Variants in PHRF1 observed in about 807,000 individuals in gnomAD.
The protein encoded by PHRF1 is PHD and RING finger domain-containing protein 1.
PHRF1 carries 53 observed loss-of-function variants against 128.9 expected under a neutral mutation model. The ratio of observed to expected loss-of-function variants is 0.41; its 90% CI spans 0.33 to 0.52. PHRF1 has a LOEUF of 0.52. Ranked by LOEUF, PHRF1 falls within the 20% of genes least tolerant of loss-of-function variation. PHRF1 has a pLI of 0.21. For missense variants in PHRF1, 2,503 were observed against 2,284.5 expected, an observed-to-expected ratio of 1.10 and a Z score of -1.95; for synonymous variants, 1,178 against 980.6, an observed-to-expected ratio of 1.20 and a Z score of -3.76.
Position 611,868 on chromosome 11 carries a change from C to T in PHRF1, c.*91C>T, listed in dbSNP as rs702965. 0.11 allele frequency: 126,719 copies of T among 1,123,220 alleles called. 15,484 individuals are homozygous for T. The highest frequency in any genetic ancestry group is 0.32 in the African/African-American group (19,065 of 58,902). The allele number at this position is 1,123,220 out of a possible 1,614,324, so 69.6% of individuals were successfully genotyped here. On this transcript the variant is annotated 3_prime_UTR_variant, in exon 18 of 18. Transcript: ENST00000264555. ...GGGAGCTGTCGGGAGTGGCGGGAAT[C>T]GGGGCCATGCCCGGGGAGCTGTCGG...
chr11:601,823 A>G, intron 10 of PHRF1, 122 bp downstream of exon 10: 2 of 1,253,604 alleles, frequency 1.6e-6, no homozygotes, highest in Non-Finnish European at 2.2e-6. Flanking sequence ...AGCAGGGATC[A>G]TCATCGTCTT....
chr11:609,377 T>C lies in PHRF1; in HGVS notation c.3921T>C (p.Pro1307=), dbSNP rs763890729. 1.1e-5 allele frequency: 18 copies of C among 1,611,732 alleles called. No individual in the cohort carries two copies. The Admixed American group carries it at 1.3e-4, about 12-fold the overall frequency. ...SSPERDFPLK[P]ALPPASLAVA... is the part of the protein sequence containing the mutation. ...CGGAGCGAGACTTCCCACTGAAGCC[T>C]GCGTTGCCCCCAGCCAGCCTGGCCG... The change falls in exon 14 of 18, where the codon CCT becomes CCC. Residue 1307 remains proline (P), a synonymous_variant. Transcript: ENST00000264555.
In PHRF1 at chr11:610,262, C is replaced by G. The variant is rs1423179683; in HGVS notation, c.4331C>G (p.Thr1444Arg). The G allele has an allele frequency of 6.4e-7, 1 of 1,556,310 alleles. No individual in the cohort carries two copies. Among genetic ancestry groups the G allele is most frequent in the Non-Finnish European group, 8.7e-7 (1 of 1,150,086 alleles). Residue 1444 changes from threonine (T) to arginine (R), a missense_variant, in exon 15 of 18, where the codon ACA (threonine) becomes AGA (arginine). Transcript: ENST00000264555. ...TGGGACATGGAGGATGTGGCCCCCA[C>G]AGGGGTCAGGCAGGTGTTCTCCGAG... ...GAWDMEDVAP[T>R]GVRQVFSELP...
rs1207486009 is a variant in PHRF1, at chr11:597,545, G to A, written c.869G>A (p.Arg290Gln). The A allele has an allele frequency of 6.2e-7, 1 of 1,611,462 alleles. No individual in the cohort carries two copies. Among genetic ancestry groups the A allele is most frequent in the East Asian group, 2.2e-5 (1 of 44,810 alleles). The change falls in exon 8 of 18, where the codon CGG becomes CAG. Residue 290 changes from arginine (R) to glutamine (Q), a missense_variant. Physicochemically the swap from Arg to Gln is conservative, Grantham distance 43 (BLOSUM62 1). Coordinates refer to ENST00000264555, the MANE Select transcript of PHRF1 (RefSeq NM_001286581.2). The surrounding 1 kb of genome is among the most constrained non-coding windows in gnomAD (Gnocchi z 6.5). ...GTGAGAGCAACCGTGAACCGGAACCGGATCTCCACGGCCAGGAGGGTCCAG... is the reference window on the plus strand; with the variant it reads ...GTGAGAGCAACCGTGAACCGGAACCAGATCTCCACGGCCAGGAGGGTCCAG... ...ERVRATVNRN[R>Q]ISTARRVQHT...
chr11:606,705 G>T, intron 13 of PHRF1, 109 bp downstream of exon 13: 1 of 1,409,946 alleles, frequency 7.1e-7, no homozygotes, highest in African/African-American at 1.5e-5. Flanking sequence ...CTGAAGTTGG[G>T]GGGACCATTC....
intron 1 of PHRF1, among the ~76,000 whole-genome samples, chr11:577,457 A>G (rs1344084109): frequency 6.6e-6 from 1 of 152,254 alleles, no homozygotes; most frequent in Non-Finnish European, 1.5e-5. Context: ...GGTTTGGCAT[A>G]GTTGATCTCT....
chr11:599,253 C>CTTTTTTTTT (rs754658303), intron 9 of PHRF1, among the ~76,000 whole-genome samples: 2 of 104,980 alleles, frequency 1.9e-5, no homozygotes, highest in Non-Finnish European at 3.7e-5. Context: ...TTTTTCTTTT[C>CTTTTTTTTT]TTTTTTTTTT....
intron 5 of PHRF1, 108 bp downstream of exon 5, chr11:591,575 TA>T (rs1354787670): frequency 8.7e-6 from 8 of 922,532 alleles, no homozygotes; most frequent in Non-Finnish European, 1.3e-5. Flanking sequence ...GAGGGTTGGT[TA>T]AATGCTTCAT....
In PHRF1 at chr11:591,433, T is replaced by G. The variant is rs1210504234; in HGVS notation, c.470T>G (p.Ile157Ser). ...CGAACTCTATTTAAGTGCATTTGTA[T>G]TCGAGCTCAATTTGGTGGTAAAATC... is the stretch of plus-strand genomic sequence containing the variant. ...VDRTLFKCICIRAQFGGKILR... is the reference protein window; with the variant it reads ...VDRTLFKCICSRAQFGGKILR... Residue 157 changes from isoleucine to serine, a missense_variant, in exon 5 of 18, where the codon ATT (isoleucine) becomes AGT (serine). By Grantham distance (142) the Ile-to-Ser change is moderately radical (BLOSUM62 -2). Transcript: ENST00000264555. The G allele has an allele frequency of 6.2e-7, 1 of 1,609,814 alleles. No individual in the cohort carries two copies. Among genetic ancestry groups the G allele is most frequent in the Admixed American group, 1.7e-5 (1 of 59,382 alleles).
rs1466123135 is a variant in PHRF1 at position 607,647 on chromosome 11, A to G, written c.2191A>G (p.Ser731Gly). 2 of 1,611,152 alleles carry G rather than the reference A, an allele frequency of 1.2e-6. No homozygotes were observed. The highest frequency in any genetic ancestry group is 1.7e-5 in the Admixed American group (1 of 59,930). ...GQPGRGTRAE[S>G]EASSRVPREP... ...GCCAGGGCGAGGCACACGGGCAGAG[A>G]GCGAGGCCAGCAGCAGGGTGCCCCG... is the stretch of plus-strand genomic sequence containing the variant. The change falls in exon 14 of 18, where the codon AGC (serine) becomes GGC (glycine). Residue 731 changes from serine (S) to glycine (G), a missense_variant. Physicochemically the swap from Ser to Gly is moderately conservative, Grantham distance 56. Transcript: ENST00000264555.
chr11:609,832 G>A, intron 14 of PHRF1, 112 bp downstream of exon 14: 1 of 732,582 alleles, frequency 1.4e-6, no homozygotes, highest in Non-Finnish European at 2.1e-6. Context: ...ACCGAGGACA[G>A]AGCCCCCCGT....
At chr11:601,822 C>A in intron 10 of PHRF1, 121 bp downstream of exon 10, 2 of 1,252,106 alleles carry the variant, frequency 1.6e-6, no homozygotes, top group Non-Finnish European at 2.2e-6. Context: ...GAGCAGGGAT[C>A]ATCATCGTCT....
chr11:591,242 C>T (rs1388956517), intron 4 of PHRF1, 142 bp from the exon 5 acceptor site: 1 of 742,212 alleles, frequency 1.3e-6, no homozygotes, highest in East Asian at 2.9e-5. Context: ...GTGCTCCCTC[C>T]ACTGCCGTGT....
chr11:587,152 T>C, intron 3 of PHRF1, 107 bp from the exon 4 acceptor site: 1 of 1,018,624 alleles, frequency 9.8e-7, no homozygotes, highest in Non-Finnish European at 1.5e-6. Context: ...AGGTGGGCTG[T>C]GCATTGCCGA....
intron 6 of PHRF1, among the ~76,000 whole-genome samples, chr11:596,318 G>A (rs912930753): frequency 2.0e-5 from 3 of 152,134 alleles, no homozygotes; most frequent in African/African-American, 7.2e-5. Flanking sequence ...CAGAAGGCTC[G>A]ATAGAAACAA....
chr11:584,562 A>ACTCC (rs1369697538), intron 3 of PHRF1, among the ~76,000 whole-genome samples: 4 of 151,958 alleles, frequency 2.6e-5, no homozygotes, highest in Non-Finnish European at 4.4e-5. Context: ...GGGCAGGAGG[A>ACTCC]GGTGGCTGGG....
At chr11:580,364 T>C (rs916654363) in intron 1 of PHRF1, among the ~76,000 whole-genome samples, 1 of 152,210 alleles carries the variant, frequency 6.6e-6, no homozygotes, top group East Asian at 1.9e-4. Context: ...GGTTTCACAG[T>C]GACCTTGCAG....
rs372737181 is a variant in PHRF1, at chr11:609,601, C to T, written c.4145C>T (p.Ala1382Val). 6.3e-7 allele frequency: 1 copy of T among 1,592,610 alleles called. No homozygotes were observed. The highest frequency in any genetic ancestry group is 1.1e-5 in the South Asian group (1 of 87,932). The change falls in exon 14 of 18, where the codon GCC (alanine) becomes GTC (valine). Residue 1382 changes from alanine to valine, a missense_variant. Coordinates refer to ENST00000264555, the MANE Select transcript of PHRF1 (RefSeq NM_001286581.2). ...PSASGRVQEA[A>V]RPEEVVSQTP... ...GCGAGTGGGAGGGTACAGGAGGCAG[C>T]CCGGCCTGAGGAGGTGGTTTCGCAG...
intron 13 of PHRF1, 71 bp from the exon 14 acceptor site, chr11:606,995 T>TA: frequency 6.6e-7 from 1 of 1,513,482 alleles, no homozygotes; most frequent in Non-Finnish European, 8.8e-7. Context: ...CCAGTTGTGA[T>TA]AAAAATTAAA....
Sources: allele counts gnomAD v4.1 joint callset (sites outside exome capture counted in the v4.1 genomes callset), GRCh38; gene constraint gnomAD v4.1.1; non-coding constraint Gnocchi (gnomAD v3.1); transcripts MANE v1.5; gene names NCBI Gene and HGNC (gene_info 2026-07-23, HGNC 2026-07-21).